The following STPG2 variants were observed in gnomAD, a reference collection of about 807,000 sequenced individuals.
STPG2 encodes the protein sperm-tail PG-rich repeat-containing protein 2.
STPG2 carries 56 observed loss-of-function variants against 54.2 expected under a neutral mutation model. The ratio of observed to expected loss-of-function variants is 1.03; its 90% CI spans 0.83 to 1.29. STPG2 has a LOEUF of 1.29. Among genes scored for constraint, STPG2 ranks in the 50% most tolerant of loss-of-function variants. The pLI, the probability that STPG2 is intolerant of heterozygous loss-of-function variation, is 0.00. For synonymous variants in STPG2, 200 were observed against 181.8 expected (o/e 1.10, Z -0.81); for missense variants, 596 against 544.9 (o/e 1.09, Z -0.93).
intron 9 of STPG2, among the ~76,000 whole-genome samples, chr4:97,768,783 T>C (rs998951690): frequency 2.0e-5 from 3 of 151,806 alleles, no homozygotes; most frequent in South Asian, 2.1e-4. Flanking sequence ...CTCACTGCAA[T>C]CTCCACCTCC....
At chr4:97,864,741 T>G (rs373133013) in intron 8 of STPG2, among the ~76,000 whole-genome samples, 7 of 151,630 alleles carry the variant, frequency 4.6e-5, no homozygotes, top group South Asian at 2.1e-4. Context: ...TACCAAAACA[T>G]AGATATAGAC....
chr4:97,467,113 G>A (rs1169160362), intron 4 of STPG2, among the ~76,000 whole-genome samples: 6 of 151,922 alleles, frequency 3.9e-5, no homozygotes, highest in Non-Finnish European at 7.4e-5. Flanking sequence ...CACAAGAATT[G>A]CATAGCCACT....
intron 8 of STPG2, among the ~76,000 whole-genome samples, chr4:97,844,555 T>A (rs1728892569): frequency 6.6e-6 from 1 of 152,082 alleles, no homozygotes; most frequent in South Asian, 2.1e-4. Flanking sequence ...GTGATACTGT[T>A]TCCACTATAT....
rs568808781 is a variant in STPG2 at position 98,030,322 on chromosome 4, T to A, written c.613-49004A>T. Among the ~76,000 whole-genome samples, 32 of 152,286 alleles carry A rather than the reference T, an allele frequency of 2.1e-4. 1 individual carries two copies. Among genetic ancestry groups the A allele is most frequent in the Admixed American group, 1.0e-3 (16 of 15,292 alleles). ...ATAGGCAAATTACATAGAGATGTGA[T>A]AACTATCTCTACTCCTGAGTCTTCC... On this transcript the variant is annotated intron_variant, in intron 5 of 10. Coordinates refer to ENST00000295268, the MANE Select transcript of STPG2 (RefSeq NM_174952.3).
At chr4:97,727,368 A>ATC in intron 9 of STPG2, among the ~76,000 whole-genome samples, 1 of 152,018 alleles carries the variant, frequency 6.6e-6, no homozygotes, top group African/African-American at 2.4e-5. Flanking sequence ...CTAATTTTCC[A>ATC]TCATGGGTCT....
At position 97,981,245 on chromosome 4, in the gene STPG2, A is replaced by G. The variant is rs1160437355; in HGVS notation, c.686T>C (p.Leu229Ser). 1.2e-6 allele frequency: 2 copies of G among 1,614,004 alleles called. No individual in the cohort carries two copies. The highest frequency in any genetic ancestry group is 4.5e-5 in the East Asian group (2 of 44,824). Residue 229 changes from leucine to serine, a missense_variant, in exon 6 of 11, where the codon TTG (leucine) becomes TCG (serine). Transcript: ENST00000295268. ...YNEPRTALKS[L>S]KKTSGLKNIP... ...ATTTTTCAGTCCTGATGTTTTCTTC[A>G]AAGACTTGAGAGCAGTTCGAGGTTC...
intron 10 of STPG2, among the ~76,000 whole-genome samples, chr4:97,608,686 T>C (rs1733655192): frequency 6.6e-6 from 1 of 152,078 alleles, no homozygotes. Context: ...GAGAGATATA[T>C]GTGATGTTTC....
At chr4:97,765,399 T>C (rs558798259) in intron 9 of STPG2, among the ~76,000 whole-genome samples, 97 of 152,276 alleles carry the variant, frequency 6.4e-4, no homozygotes, top group Non-Finnish European at 1.1e-3. Context: ...CTTAACTTGA[T>C]ATGTGACAGT....
intron 8 of STPG2, among the ~76,000 whole-genome samples, chr4:97,850,600 A>T (rs1729127977): frequency 6.6e-6 from 1 of 151,970 alleles, no homozygotes; most frequent in South Asian, 2.1e-4. Context: ...CCTCCATTAA[A>T]ATTTTATTTT....
chr4:97,706,265 G>C (rs1578495517), intron 10 of STPG2, among the ~76,000 whole-genome samples: 1 of 152,240 alleles, frequency 6.6e-6, no homozygotes, highest in East Asian at 1.9e-4. Context: ...CCAATATAGA[G>C]ACTAATGCCC....
At chr4:98,101,467 T>C (rs1227387581) in intron 5 of STPG2, among the ~76,000 whole-genome samples, 2 of 151,816 alleles carry the variant, frequency 1.3e-5, no homozygotes, top group Non-Finnish European at 2.9e-5. Flanking sequence ...AGCTGAGAGG[T>C]GTGAAGGAGT....
chr4:97,790,917 C>A (rs1032625109), intron 9 of STPG2, among the ~76,000 whole-genome samples: 10 of 152,080 alleles, frequency 6.6e-5, no homozygotes, highest in African/African-American at 2.4e-4. Flanking sequence ...TTGAGGGGGA[C>A]CATTCTTTCT....
intron 4 of STPG2, among the ~76,000 whole-genome samples, chr4:97,517,561 T>A (rs953663935): frequency 2.6e-5 from 4 of 152,104 alleles, no homozygotes; most frequent in Admixed American, 2.0e-4. Context: ...ATACAAAATA[T>A]CAGGTCAGTT....
rs1220210849 is a variant in STPG2 at position 97,844,102 on chromosome 4, AT to A, written c.1045-3171del. On this transcript the variant is annotated intron_variant, in intron 8 of 10. Transcript: ENST00000295268. Reference sequence around the variant, plus strand: ...GTTTCAGGAGGCATGAAACCTCCTAATTTCATACAAATTCAGAATTTTTCAA... The same window carrying A: ...GTTTCAGGAGGCATGAAACCTCCTAATTCATACAAATTCAGAATTTTTCAA... 2.0e-5 allele frequency among the ~76,000 whole-genome samples: 3 copies of A among 151,860 alleles called. No individual in the cohort carries two copies. The East Asian group carries it at 5.8e-4, about 29-fold the overall frequency.
intron 4 of STPG2, among the ~76,000 whole-genome samples, chr4:97,467,800 G>C (rs1347705745): frequency 6.6e-6 from 1 of 150,808 alleles, no homozygotes; most frequent in East Asian, 2.0e-4. Flanking sequence ...TCATCTCATA[G>C]TTTGAGTAAG....
intron 10 of STPG2, among the ~76,000 whole-genome samples, chr4:97,642,965 G>A (rs1424257865): frequency 1.3e-5 from 2 of 151,352 alleles, no homozygotes; most frequent in Admixed American, 1.3e-4. Context: ...TATTAACCAC[G>A]ACTTTGAAAA....
chr4:97,775,729 AT>A (rs1378421063), intron 9 of STPG2, among the ~76,000 whole-genome samples: 1 of 152,204 alleles, frequency 6.6e-6, no homozygotes, highest in Non-Finnish European at 1.5e-5. Flanking sequence ...AGACTTTAAA[AT>A]TGCTAGTGGG....
At chr4:97,801,354 C>T (rs1727390785) in intron 9 of STPG2, among the ~76,000 whole-genome samples, 1 of 152,122 alleles carries the variant, frequency 6.6e-6, no homozygotes, top group South Asian at 2.1e-4. Context: ...TTATCATCCA[C>T]CCAGCTTAAG....
At chr4:97,968,796 C>A (rs772307813) in intron 7 of STPG2, among the ~76,000 whole-genome samples, 5 of 152,200 alleles carry the variant, frequency 3.3e-5, no homozygotes, top group Non-Finnish European at 5.9e-5. Context: ...TGAAATGCAA[C>A]TGATTATTGT....
Sources: allele counts gnomAD v4.1 joint callset (sites outside exome capture counted in the v4.1 genomes callset), GRCh38; gene constraint gnomAD v4.1.1; transcripts MANE v1.5; gene names NCBI Gene and HGNC (gene_info 2026-07-23, HGNC 2026-07-21).